ZSCAN2: variants seen among roughly 807,000 people sequenced by gnomAD.
The protein encoded by ZSCAN2 is zinc finger and SCAN domain-containing protein 2.
ZSCAN2 carries 26 observed loss-of-function variants against 47.8 expected under a neutral mutation model. The ratio of observed to expected loss-of-function variants is 0.54; its 90% CI spans 0.40 to 0.75. The LOEUF is 0.75. Ranked by LOEUF, ZSCAN2 falls within the 30% of genes least tolerant of loss-of-function variation. ZSCAN2 has a pLI of 0.00. For synonymous variants in ZSCAN2, 305 were observed against 288.7 expected (o/e 1.06, Z -0.57); for missense variants, 732 against 785.4 (o/e 0.93, Z 0.81).
chr15:84,606,093 G>T (rs969153683), intron 2 of ZSCAN2, among the ~76,000 whole-genome samples: 2 of 152,242 alleles, frequency 1.3e-5, no homozygotes, highest in Admixed American at 6.5e-5. Flanking sequence ...ATGGAATTAA[G>T]ACAGTGACTA....
intron 2 of ZSCAN2, chr15:84,606,644 G>C: frequency 6.2e-7 from 1 of 1,603,334 alleles, no homozygotes; most frequent in Non-Finnish European, 8.5e-7. Context: ...GAGGCCTCAG[G>C]TTGTTATTTG....
chr15:84,614,878 C>A (rs1895653407), intron 2 of ZSCAN2: 1 of 152,214 alleles, frequency 6.6e-6, no homozygotes, highest in Non-Finnish European at 1.5e-5. Flanking sequence ...CTGTTAGCCA[C>A]CCTGGGTTAG....
intron 2 of ZSCAN2, chr15:84,606,940 C>T: frequency 4.3e-6 from 4 of 933,624 alleles, no homozygotes; most frequent in Non-Finnish European, 5.2e-6. Context: ...ATTTACTCGA[C>T]ATAAGGCCGC....
Position 84,621,256 on chromosome 15 carries a change from G to A in ZSCAN2, c.1061G>A (p.Gly354Glu). ...CGATCCAGCCTTAACACGCATCAGG[G>A]GATCCACACTGGAGAAAAGCCCTAC... The part of the protein sequence containing the change: ...GNRSSLNTHQ[G>E]IHTGEKPYEC... The change falls in exon 3 of 3, where the codon GGG (glycine) becomes GAG (glutamate). Residue 354 changes from glycine (G) to glutamate (E), a missense_variant. Physicochemically the swap from Gly to Glu is moderately conservative, Grantham distance 98 (BLOSUM62 -2). Transcript: ENST00000546148. This position sits in a 1 kb window ranked among gnomAD's most constrained non-coding sequence, Gnocchi z 5.7. 1 of 1,613,484 alleles carries A rather than the reference G, an allele frequency of 6.2e-7. No individual in the cohort carries two copies. The highest frequency in any genetic ancestry group is 1.7e-5 in the Admixed American group (1 of 59,942).
chr15:84,606,606 G>GGAGGAGAGAGTGATGGAGGGCT, intron 2 of ZSCAN2: 26 of 1,613,490 alleles, frequency 1.6e-5, no homozygotes, highest in Non-Finnish European at 2.2e-5. Context: ...CAGATACTAT[G>GGAGGAGAGAGTGATGGAGGGCT]GAGGAGAGAG....
At chr15:84,603,790 T>G (rs1895284826) in intron 1 of ZSCAN2, 30 bp from the exon 2 acceptor site, 4 of 1,047,850 alleles carry the variant, frequency 3.8e-6, no homozygotes, top group Non-Finnish European at 5.5e-6. Context: ...AGTCTACCTA[T>G]GGATTATGGT....
Position 84,622,369 on chromosome 15 carries a change from T to C in ZSCAN2, c.*329T>C. The C allele has an allele frequency of 1.7e-6, 1 of 575,732 alleles. No individual in the cohort carries two copies. The allele number at this position is 575,732 out of a possible 1,614,324, so 35.7% of individuals were successfully genotyped here. ...AAATGGGGGGAAATGTTTCTCCATG[T>C]GGAATGGAAGACAGCATGGCCCACA... is the stretch of plus-strand genomic sequence containing the variant. On this transcript the variant is annotated 3_prime_UTR_variant, in exon 3 of 3. Coordinates refer to ENST00000546148, the MANE Select transcript of ZSCAN2 (RefSeq NM_181877.4).
At position 84,621,870 on chromosome 15, in the gene ZSCAN2, A is replaced by G; in HGVS notation, c.1675A>G (p.Arg559Gly). The G allele has an allele frequency of 6.2e-7, 1 of 1,614,120 alleles. No homozygotes were observed. Among genetic ancestry groups the G allele is most frequent in the African/African-American group, 1.3e-5 (1 of 75,020 alleles). ...QRAHLGDKPY[R>G]CPECGKGFSW... is the part of the protein sequence containing the mutation. ...AGCCCATTTGGGAGACAAGCCCTAC[A>G]GGTGCCCTGAGTGTGGGAAAGGCTT... The change falls in exon 3 of 3, where the codon AGG (arginine) becomes GGG (glycine). Residue 559 changes from arginine to glycine, a missense_variant. Around this residue, in one of 2 missense-constraint regions of ZSCAN2, gnomAD observed 412 missense variants for 498.0 expected, o/e 0.83. Transcript: ENST00000546148. This position sits in a 1 kb window ranked among gnomAD's most constrained non-coding sequence, Gnocchi z 5.7.
chr15:84,610,485 TTTC>T (rs201099373), intron 2 of ZSCAN2, among the ~76,000 whole-genome samples: 2,370 of 125,732 alleles, frequency 0.019, 33 homozygotes, highest in African/African-American at 0.048. Flanking sequence ...TCTTTCTTTC[TTTC>T]TTTTTTTTTT....
chr15:84,606,928 A>G (rs1596027941), intron 2 of ZSCAN2: 1 of 1,025,920 alleles, frequency 9.7e-7, no homozygotes, highest in South Asian at 3.3e-5. Flanking sequence ...CCCTTCTCAA[A>G]CATTTACTCG....
At chr15:84,606,910 G>T in intron 2 of ZSCAN2, 1 of 1,071,816 alleles carries the variant, frequency 9.3e-7, no homozygotes, top group Non-Finnish European at 1.1e-6. Context: ...CCCTGCGTTT[G>T]TCTTCATCCC....
At chr15:84,607,252 GTCTTCAGCT>G (rs1345034962) in intron 2 of ZSCAN2, among the ~76,000 whole-genome samples, 1 of 152,114 alleles carries the variant, frequency 6.6e-6, no homozygotes, top group Non-Finnish European at 1.5e-5. Context: ...AACTGAACCT[GTCTTCAGCT>G]TCTGCCCCTT....
intron 2 of ZSCAN2, among the ~76,000 whole-genome samples, chr15:84,608,938 A>G (rs1321861132): frequency 1.3e-5 from 2 of 152,196 alleles, no homozygotes; most frequent in Non-Finnish European, 2.9e-5. Flanking sequence ...GGTGATTCCT[A>G]TGCTCTTTGA....
chr15:84,622,392 ACAAC>A lies in ZSCAN2; in HGVS notation c.*353_*356del, dbSNP rs945713903. The stretch of plus-strand genomic sequence containing the variant: ...TGTGGAATGGAAGACAGCATGGCCC[ACAAC>A]GTGGGCCGAGTCCTCAGAGAAATAC... On this transcript the variant is annotated 3_prime_UTR_variant, in exon 3 of 3. Coordinates refer to ENST00000546148, the MANE Select transcript of ZSCAN2 (RefSeq NM_181877.4). The A allele has an allele frequency of 3.4e-6, 2 of 585,370 alleles. No individual in the cohort carries two copies. Among genetic ancestry groups the A allele is most frequent in the African/African-American group, 3.8e-5 (2 of 52,784 alleles). 36.3% of individuals were successfully genotyped at this position (585,370 alleles called of 1,614,324 possible).
chr15:84,606,407 C>G, intron 2 of ZSCAN2: 1 of 773,952 alleles, frequency 1.3e-6, no homozygotes, highest in South Asian at 1.5e-5. Context: ...AGACCTGTCT[C>G]TTTCTGCATG....
intron 1 of ZSCAN2, among the ~76,000 whole-genome samples, chr15:84,603,581 A>T (rs1254540678): frequency 6.6e-6 from 1 of 151,986 alleles, no homozygotes; most frequent in Non-Finnish European, 1.5e-5. Flanking sequence ...ACCTCAGGTG[A>T]TCCGCCCACC....
In ZSCAN2 at chr15:84,621,805, A is replaced by G. The variant is rs752378745; in HGVS notation, c.1610A>G (p.Lys537Arg). The change falls in exon 3 of 3, where the codon AAG (lysine) becomes AGG (arginine). Residue 537 changes from lysine (K) to arginine (R), a missense_variant. By Grantham distance (26) the Lys-to-Arg change is conservative. Transcript: ENST00000546148. This position sits in a 1 kb window ranked among gnomAD's most constrained non-coding sequence, Gnocchi z 5.7. ...EKPYKCLMCG[K>R]SFSRGSILVM... is the part of the protein sequence containing the mutation. ...CCCTACAAATGCCTCATGTGCGGCA[A>G]GAGCTTCAGCCGGGGCTCCATTCTG... is the stretch of plus-strand genomic sequence containing the variant. 4 of 1,614,128 alleles carry G rather than the reference A, an allele frequency of 2.5e-6. No individual in the cohort carries two copies. Among genetic ancestry groups the G allele is most frequent in the Non-Finnish European group, 3.4e-6 (4 of 1,180,054 alleles).
At chr15:84,611,950 C>T (rs1273466680) in intron 2 of ZSCAN2, 3 of 152,208 alleles carry the variant, frequency 2.0e-5, no homozygotes, top group Non-Finnish European at 4.4e-5. Flanking sequence ...CCACCATCTC[C>T]TCTCATCTCC....
In ZSCAN2 at chr15:84,603,817, C is replaced by G; in HGVS notation, c.-108-3C>G. The G allele has an allele frequency of 7.7e-7, 1 of 1,297,968 alleles. No individual in the cohort carries two copies. The highest frequency in any genetic ancestry group is 1.5e-5 in the South Asian group (1 of 68,416). The allele number at this position is 1,297,968 out of a possible 1,614,324, so 80.4% of individuals were successfully genotyped here. A position where few individuals can be genotyped will look rare whatever the true frequency, so the allele number is the denominator to read the frequency against. On this transcript the variant is annotated splice_polypyrimidine_tract_variant and splice_region_variant and intron_variant, in intron 1 of 2. Coordinates refer to ENST00000546148, the MANE Select transcript of ZSCAN2 (RefSeq NM_181877.4). ...GATTATGGTTCTCTTTTTTGTTTCT[C>G]AGCGGGACTACTTGTTGATATTTGA...
Sources: gnomAD v4.1 joint callset for allele counts (sites outside exome capture counted in the v4.1 genomes callset) on GRCh38, gnomAD v4.1.1 for gene constraint, gnomAD v4.1.1 regional missense constraint, Gnocchi (gnomAD v3.1) non-coding constraint, MANE v1.5 for transcripts, NCBI Gene and HGNC (gene_info 2026-07-23, HGNC 2026-07-21) for gene names.